The following SYNJ1 variants were observed in gnomAD, a reference collection of about 807,000 sequenced individuals.
The protein encoded by SYNJ1 is polyphosphatidylinositol phosphatase SYNJ1.
SYNJ1 carries 78 observed loss-of-function variants against 168.2 expected under a neutral mutation model. That is an observed-to-expected ratio of 0.46 (90% CI 0.39 to 0.56). The LOEUF is 0.56. Among genes scored for constraint, SYNJ1 ranks in the 20% least tolerant of loss-of-function variants. The probability of loss-of-function intolerance (pLI) is 0.00; values close to 1 mark genes in which losing one functional copy is unlikely to be tolerated. For synonymous variants in SYNJ1, 539 were observed against 548.6 expected (o/e 0.98, Z 0.24); for missense variants, 1,303 against 1,597.6 (o/e 0.82, Z 3.14).
At position 32,686,413 on chromosome 21, in the gene SYNJ1, A is replaced by G. The variant is rs371353364; in HGVS notation, c.949-496T>C. Among the ~76,000 whole-genome samples, 6 of 152,344 alleles carry G rather than the reference A, an allele frequency of 3.9e-5. No individual in the cohort carries two copies. The East Asian group carries it at 9.6e-4, about 24-fold the overall frequency. ...TTTTCTAACAATCTTGTTTAAGTTT[A>G]TAATCTTATGTAACAACATAATTTA... On this transcript the variant is annotated intron_variant, in intron 8 of 32. Transcript: ENST00000674351.
intron 12 of SYNJ1, among the ~76,000 whole-genome samples, chr21:32,678,073 C>T (rs1216941569): frequency 6.6e-6 from 1 of 151,896 alleles, no homozygotes; most frequent in Non-Finnish European, 1.5e-5. Context: ...TTAAAAGACA[C>T]AGTGGAAGGT....
At position 32,681,513 on chromosome 21, in the gene SYNJ1, G is replaced by A; in HGVS notation, c.1336C>T (p.Leu446Phe). Residue 446 changes from leucine (L) to phenylalanine (F), a missense_variant, in exon 11 of 33, where the codon CTT becomes TTT. Leu to Phe is a conservative substitution (Grantham distance 22, BLOSUM62 0). This residue lies in a region of SYNJ1 where 920 missense variants were observed against 1,208.8 expected (regional missense o/e 0.76). Transcript: ENST00000674351. ...ISKIYAGTGA[L>F]EGKAKLKDGA... is the part of the protein sequence containing the mutation. ...AGATATACCTTCGCTTTCCCTTCAAGAGCTCCAGTTCCTGCATATATCTTA... is the reference window on the plus strand; with the variant it reads ...AGATATACCTTCGCTTTCCCTTCAAAAGCTCCAGTTCCTGCATATATCTTA... The A allele has an allele frequency of 6.2e-7, 1 of 1,612,224 alleles. No homozygotes were observed. Among genetic ancestry groups the A allele is most frequent in the Non-Finnish European group, 8.5e-7 (1 of 1,179,074 alleles).
rs751848732 is a variant in SYNJ1 at position 32,688,300 on chromosome 21, T to C, written c.851+6A>G. On this transcript the variant is annotated splice_donor_region_variant and intron_variant, in intron 7 of 32. Coordinates refer to ENST00000674351, the MANE Select transcript of SYNJ1 (RefSeq NM_203446.3). ...AACTTAAAGCACTATGTAAAAATTG[T>C]CTTACCTGTCAAAAGCAGGTGCATT... is the stretch of plus-strand genomic sequence containing the variant. 2.5e-6 allele frequency: 4 copies of C among 1,612,756 alleles called. No individual in the cohort carries two copies. Among genetic ancestry groups the C allele is most frequent in the Non-Finnish European group, 3.4e-6 (4 of 1,179,246 alleles).
chr21:32,637,710 C>T (rs1179439740), intron 31 of SYNJ1, among the ~76,000 whole-genome samples: 3 of 152,138 alleles, frequency 2.0e-5, no homozygotes, highest in African/African-American at 7.2e-5. Flanking sequence ...GCCACCGCTC[C>T]CAGACTTCAT....
Position 32,630,703 on chromosome 21 carries a change from C to T in SYNJ1, c.*1102G>A, listed in dbSNP as rs1012481226. On this transcript the variant is annotated 3_prime_UTR_variant, in exon 33 of 33. Transcript: ENST00000674351. ...TTTTGAGATTCTTCAGAAGACTGAC[C>T]GAAAAGTTTCTGAATAAGGACTGTT... 5 of 206,918 alleles carry T rather than the reference C, an allele frequency of 2.4e-5. No individual in the cohort carries two copies. Among genetic ancestry groups the T allele is most frequent in the Non-Finnish European group, 3.9e-5 (4 of 101,774 alleles). 12.8% of individuals were successfully genotyped at this position (206,918 alleles called of 1,614,324 possible).
chr21:32,710,956 AAAT>A (rs1256841804), intron 2 of SYNJ1, among the ~76,000 whole-genome samples: 1 of 152,220 alleles, frequency 6.6e-6, no homozygotes, highest in African/African-American at 2.4e-5. Context: ...TATACTTGGA[AAAT>A]AATAAGTTTG....
intron 12 of SYNJ1, among the ~76,000 whole-genome samples, 175 bp downstream of exon 12, chr21:32,678,470 A>T (rs2041496893): frequency 6.6e-6 from 1 of 152,196 alleles, no homozygotes; most frequent in Non-Finnish European, 1.5e-5. Context: ...CTGATTGTAC[A>T]AATATTTTAA....
At chr21:32,722,629 T>C (rs980753038) in intron 2 of SYNJ1, among the ~76,000 whole-genome samples, 1 of 152,214 alleles carries the variant, frequency 6.6e-6, no homozygotes, top group Admixed American at 6.5e-5. Context: ...CTTTGTAATC[T>C]AGGTTAGTCT....
At chr21:32,652,085 T>A (rs966375557) in intron 22 of SYNJ1, among the ~76,000 whole-genome samples, 7 of 152,252 alleles carry the variant, frequency 4.6e-5, no homozygotes, top group African/African-American at 1.7e-4. Context: ...AGTGGTCTTA[T>A]TTTTAATTCT....
Position 32,691,675 on chromosome 21 carries a change from C to A in SYNJ1, c.789+2553G>T, listed in dbSNP as rs2042030913. On this transcript the variant is annotated intron_variant, in intron 6 of 32. Coordinates refer to ENST00000674351, the MANE Select transcript of SYNJ1 (RefSeq NM_203446.3). ...AAATGTCATTCTTACTTGTGTAACA[C>A]CTTATGACAATTCTTATAATGCCTC... Among the ~76,000 whole-genome samples the A allele has an allele frequency of 3.3e-5, 5 of 152,308 alleles. No individual in the cohort carries two copies. In the South Asian group the frequency reaches 1.0e-3, roughly 32 times the overall value.
At chr21:32,712,347 A>G (rs1055482710) in intron 2 of SYNJ1, among the ~76,000 whole-genome samples, 2 of 152,226 alleles carry the variant, frequency 1.3e-5, no homozygotes, top group Non-Finnish European at 2.9e-5. Context: ...GAAAAAGAGT[A>G]GAGATTAGAT....
In SYNJ1 at chr21:32,716,785, G is replaced by A. The variant is rs576852776; in HGVS notation, c.124+9987C>T. Among the ~76,000 whole-genome samples, 10 of 152,180 alleles carry A rather than the reference G, an allele frequency of 6.6e-5. No homozygotes were observed. In the East Asian group the frequency reaches 9.6e-4, roughly 15 times the overall value. On this transcript the variant is annotated intron_variant, in intron 2 of 32. Coordinates refer to ENST00000674351, the MANE Select transcript of SYNJ1 (RefSeq NM_203446.3). ...ACATATTCATGTATATTGGGTCACC[G>A]GAAGTCGTCCTGCAGTTCACTGATG... is the stretch of plus-strand genomic sequence containing the variant.
intron 21 of SYNJ1, among the ~76,000 whole-genome samples, chr21:32,654,642 G>T (rs1195949723): frequency 6.6e-6 from 1 of 152,116 alleles, no homozygotes; most frequent in African/African-American, 2.4e-5. Context: ...TCAGCAATGT[G>T]CCCCTTACAC....
rs2040475566 is a variant in SYNJ1 at position 32,656,840 on chromosome 21, A to G, written c.2642T>C (p.Ile881Thr). ...CTGAACTGCAATTACTTCTTTATAA[A>G]TGTTTTGCCTCTCTTCAGCTTCAAC... ...FEVEAEERQN[I>T]YKEVIAVQGP... Residue 881 changes from isoleucine (I) to threonine (T), a missense_variant, in exon 21 of 33, where the codon ATT becomes ACT. Ile to Thr is a moderately conservative substitution (Grantham distance 89). Transcript: ENST00000674351. The G allele has an allele frequency of 1.2e-6, 2 of 1,614,198 alleles. No individual in the cohort carries two copies. Among genetic ancestry groups the G allele is most frequent in the Non-Finnish European group, 8.5e-7 (1 of 1,180,030 alleles).
intron 32 of SYNJ1, among the ~76,000 whole-genome samples, chr21:32,634,085 T>G (rs1214108273): frequency 6.6e-6 from 1 of 152,196 alleles, no homozygotes; most frequent in Non-Finnish European, 1.5e-5. Flanking sequence ...AACACAGACA[T>G]TATAGGAAAG....
At chr21:32,662,497 G>A (rs1451291020) in intron 18 of SYNJ1, among the ~76,000 whole-genome samples, 1 of 152,120 alleles carries the variant, frequency 6.6e-6, no homozygotes, top group Non-Finnish European at 1.5e-5. Context: ...TCCCTCTGTG[G>A]CCTCCCAGGT....
rs113470667 is a variant in SYNJ1, at chr21:32,708,056, T to C, written c.125-6009A>G. Among the ~76,000 whole-genome samples the C allele has an allele frequency of 9.2e-5, 14 of 152,352 alleles. 1 individual carries two copies. Among genetic ancestry groups the C allele is most frequent in the African/African-American group, 2.6e-4 (11 of 41,582 alleles). Reference sequence around the variant, plus strand: ...CATTTTACTTTATCATTGAAAGTATTTGAATGCCCTCATTACTGAGATTCA... The same window carrying C: ...CATTTTACTTTATCATTGAAAGTATCTGAATGCCCTCATTACTGAGATTCA... On this transcript the variant is annotated intron_variant, in intron 2 of 32. Coordinates refer to ENST00000674351, the MANE Select transcript of SYNJ1 (RefSeq NM_203446.3).
At chr21:32,672,799 T>C (rs2041257504) in intron 14 of SYNJ1, among the ~76,000 whole-genome samples, 1 of 152,202 alleles carries the variant, frequency 6.6e-6, no homozygotes, top group African/African-American at 2.4e-5. Context: ...ACAAGTTTTA[T>C]AAGGCTGCTC....
At chr21:32,661,939 C>G (rs1400515791) in intron 18 of SYNJ1, among the ~76,000 whole-genome samples, 1 of 152,140 alleles carries the variant, frequency 6.6e-6, no homozygotes, top group Non-Finnish European at 1.5e-5. Flanking sequence ...TCAGCTTATT[C>G]TCCCCAGTTC....
Sources: allele counts gnomAD v4.1 joint callset (sites outside exome capture counted in the v4.1 genomes callset), GRCh38; gene constraint gnomAD v4.1.1; regional missense constraint gnomAD v4.1.1; transcripts MANE v1.5; gene names NCBI Gene and HGNC (gene_info 2026-07-23, HGNC 2026-07-21).